The following SRGAP3 variants were observed in gnomAD, a reference collection of about 807,000 sequenced individuals.
SRGAP3 encodes SLIT-ROBO Rho GTPase-activating protein 3.
A neutral mutation model predicts 121.1 loss-of-function variants in SRGAP3; 39 were observed. The ratio of observed to expected loss-of-function variants is 0.32; its 90% confidence interval spans 0.25 to 0.42. The LOEUF is 0.42. SRGAP3 is among the 10% of genes least tolerant of loss of function. The pLI, the probability that SRGAP3 is intolerant of heterozygous loss-of-function variation, is 1.00. For synonymous variants in SRGAP3, 601 were observed against 570.0 expected (o/e 1.05, Z -0.77); for missense variants, 1,213 against 1,470.6 (o/e 0.82, Z 2.86).
chr3:9,039,320 G>A (rs1227235403), intron 10 of SRGAP3, among the ~76,000 whole-genome samples: 1 of 151,982 alleles, frequency 6.6e-6, no homozygotes, highest in African/African-American at 2.4e-5. Context: ...CAAAATGTTG[G>A]AGTGCCATCA....
intron 1 of SRGAP3, among the ~76,000 whole-genome samples, chr3:9,152,475 C>A (rs1950245024): frequency 6.6e-6 from 1 of 152,200 alleles, no homozygotes; most frequent in South Asian, 2.1e-4. Context: ...TAGGTACAAG[C>A]CCTAAAGCCA....
At position 9,158,900 on chromosome 3, in the gene SRGAP3, A is replaced by T. The variant is rs113832872; in HGVS notation, c.68-33983T>A. On this transcript the variant is annotated intron_variant, in intron 1 of 21. Coordinates refer to ENST00000383836, the MANE Select transcript of SRGAP3 (RefSeq NM_014850.4). ...GGAAACATAGCCGTGGGCTGACCCA[A>T]ATGAAATGCCCTCCCACTCTCCAAG... Among the ~76,000 whole-genome samples, 1,053 of 152,258 alleles carry T rather than the reference A, an allele frequency of 6.9e-3. 13 individuals are homozygous for T. The highest frequency in any genetic ancestry group is 0.024 in the African/African-American group (988 of 41,544).
At chr3:9,329,800 C>T (rs1220869399) in intron 2 of SRGAP3, among the ~76,000 whole-genome samples, 1 of 152,056 alleles carries the variant, frequency 6.6e-6, no homozygotes, top group Non-Finnish European at 1.5e-5. Context: ...AAAAAGCTCC[C>T]CATGTCCCAC....
intron 2 of SRGAP3, among the ~76,000 whole-genome samples, chr3:9,115,532 C>G (rs1167047105): frequency 6.6e-6 from 1 of 151,918 alleles, no homozygotes; most frequent in Non-Finnish European, 1.5e-5. Context: ...TGGTGTGGGA[C>G]CTGGGAAAGA....
chr3:9,339,230 G>A (rs1005368362), intron 1 of SRGAP3, among the ~76,000 whole-genome samples: 3 of 152,162 alleles, frequency 2.0e-5, no homozygotes, highest in Non-Finnish European at 2.9e-5. Context: ...TTATTCATTT[G>A]TTTATGCATT....
intron 14 of SRGAP3, among the ~76,000 whole-genome samples, chr3:9,018,290 A>T (rs549260592): frequency 6.6e-6 from 1 of 152,194 alleles, no homozygotes; most frequent in Non-Finnish European, 1.5e-5. Flanking sequence ...TATCTTTGCT[A>T]TTGTGAATAG....
At chr3:9,315,698 T>C (rs1000022374) in intron 3 of SRGAP3, among the ~76,000 whole-genome samples, 4 of 152,188 alleles carry the variant, frequency 2.6e-5, no homozygotes, top group Admixed American at 2.6e-4. Flanking sequence ...TGAAATCATA[T>C]GTTTTACAGT....
In SRGAP3 at chr3:9,037,865, G is replaced by A. The variant is rs1173716968; in HGVS notation, c.1436+198C>T. On this transcript the variant is annotated intron_variant, in intron 11 of 21. Transcript: ENST00000383836. The stretch of plus-strand genomic sequence containing the variant: ...CGCCCCTTCCATCGCCAGCCTGGAG[G>A]GGCGTGGCTTTGTCAGTCTAATGCT... 5.9e-6 allele frequency: 4 copies of A among 678,946 alleles called. No individual in the cohort carries two copies. In the East Asian group the frequency reaches 1.1e-4, roughly 18 times the overall value. 42.1% of individuals were successfully genotyped at this position (678,946 alleles called of 1,614,324 possible). A position where few individuals can be genotyped will look rare whatever the true frequency, so the allele number is the denominator to read the frequency against.
intron 3 of SRGAP3, among the ~76,000 whole-genome samples, chr3:9,268,223 G>C (rs756879092): frequency 6.6e-6 from 1 of 151,926 alleles, no homozygotes; most frequent in Non-Finnish European, 1.5e-5. Context: ...AGATAATTAG[G>C]GTTAGATGAG....
At chr3:9,063,721 T>C (rs890989050) in intron 5 of SRGAP3, among the ~76,000 whole-genome samples, 2 of 152,198 alleles carry the variant, frequency 1.3e-5, no homozygotes, top group African/African-American at 4.8e-5. Context: ...AGAGTTGACA[T>C]GAGAGATGAG....
At chr3:9,281,844 T>C in intron 3 of SRGAP3, among the ~76,000 whole-genome samples, 1 of 152,130 alleles carries the variant, frequency 6.6e-6, no homozygotes, top group East Asian at 1.9e-4. Flanking sequence ...GGCTAGTTTT[T>C]GTATTTTTAG....
chr3:9,179,664 A>G (rs1328942671), intron 1 of SRGAP3, among the ~76,000 whole-genome samples: 3 of 152,248 alleles, frequency 2.0e-5, no homozygotes, highest in African/African-American at 4.8e-5. Flanking sequence ...TACAATGGGT[A>G]TAACAGCTCT....
At chr3:9,132,673 T>G (rs1049585197) in intron 1 of SRGAP3, among the ~76,000 whole-genome samples, 5 of 152,202 alleles carry the variant, frequency 3.3e-5, no homozygotes, top group Admixed American at 2.0e-4. Context: ...TTTAAAGACA[T>G]GTTGGTTGCT....
chr3:9,117,118 C>G (rs1191081894), intron 2 of SRGAP3, among the ~76,000 whole-genome samples: 1 of 152,216 alleles, frequency 6.6e-6, no homozygotes, highest in Admixed American at 6.5e-5. Flanking sequence ...TGATACCAAT[C>G]GCAGTAATAG....
chr3:8,996,274 C>T (rs896925784), intron 18 of SRGAP3, among the ~76,000 whole-genome samples: 1 of 107,940 alleles, frequency 9.3e-6, no homozygotes, highest in Non-Finnish European at 2.0e-5. Flanking sequence ...CTAAGGGCCA[C>T]GGATGGCATG....
intron 11 of SRGAP3, chr3:9,035,550 C>A (rs1944706617): frequency 5.4e-6 from 1 of 184,280 alleles, no homozygotes; most frequent in Non-Finnish European, 1.2e-5. Context: ...GGCAGCTCGG[C>A]CAAGGAAAGT....
upstream of SRGAP3, among the ~76,000 whole-genome samples, chr3:9,253,247 G>A (rs117826880): frequency 1.5e-3 from 236 of 152,296 alleles, 4 homozygotes; most frequent in East Asian, 0.034. Context: ...AACAGTGCAC[G>A]ATTCTATCCC....
intron 3 of SRGAP3, among the ~76,000 whole-genome samples, chr3:9,262,545 A>AAAAAAAAAAAAAAAAAAAAAAAAAAAC (rs1954275892): frequency 6.8e-6 from 1 of 147,706 alleles, no homozygotes; most frequent in Non-Finnish European, 1.5e-5. Context: ...AAAAAAAAAA[A>AAAAAAAAAAAAAAAAAAAAAAAAAAAC]AAAAAAAAAA....
chr3:9,201,328 T>G (rs1952062126), intron 1 of SRGAP3, among the ~76,000 whole-genome samples: 1 of 152,150 alleles, frequency 6.6e-6, no homozygotes. Flanking sequence ...GACCCAGTGT[T>G]GAAGCCCAGG....
Sources: allele counts gnomAD v4.1 joint callset (sites outside exome capture counted in the v4.1 genomes callset), GRCh38; gene constraint gnomAD v4.1.1; transcripts MANE v1.5; gene names NCBI Gene and HGNC (gene_info 2026-07-23, HGNC 2026-07-21).